LTBP4: variants seen among roughly 807,000 people sequenced by gnomAD.
LTBP4 encodes the protein latent-transforming growth factor beta-binding protein 4.
LTBP4 carries 93 observed loss-of-function variants against 180.2 expected under a neutral mutation model. The observed-to-expected ratio is 0.52, with a 90% CI of 0.44 to 0.61. The LOEUF (loss-of-function observed/expected upper bound fraction) is 0.61, where lower values mean the gene tolerates loss of function less well. Among genes scored for constraint, LTBP4 ranks in the 20% least tolerant of loss-of-function variants. The probability of loss-of-function intolerance (pLI) is 0.00; values close to 1 mark genes in which losing one functional copy is unlikely to be tolerated. For synonymous variants in LTBP4, 947 were observed against 934.5 expected, an observed-to-expected ratio of 1.01 and a Z score of -0.24; for missense variants, 2,116 against 2,256.5, an observed-to-expected ratio of 0.94 and a Z score of 1.26.
chr19:40,613,731 C>T lies in LTBP4; in HGVS notation c.2558-185C>T. ...AAAGGGCCGAGTCTGGGTATTTGGA[C>T]CGTGATTGTAAAGAAGCTGTTCTAA... On this transcript the variant is annotated intron_variant, in intron 17 of 29. Coordinates refer to ENST00000396819, the MANE Select transcript of LTBP4 (RefSeq NM_001042545.2). This position sits in a 1 kb window ranked among gnomAD's most constrained non-coding sequence, Gnocchi z 5.0. 1 of 1,218,306 alleles carries T rather than the reference C, an allele frequency of 8.2e-7. No homozygotes were observed. Among genetic ancestry groups the T allele is most frequent in the Non-Finnish European group, 1.2e-6 (1 of 862,980 alleles). The allele number at this position is 1,218,306 out of a possible 1,614,324, so 75.5% of individuals were successfully genotyped here.
Position 40,608,565 on chromosome 19 carries a change from G to T in LTBP4, c.1388G>T (p.Ser463Ile). 1 of 1,602,802 alleles carries T rather than the reference G, an allele frequency of 6.2e-7. No individual in the cohort carries two copies. The highest frequency in any genetic ancestry group is 8.5e-7 in the Non-Finnish European group (1 of 1,175,228). Residue 463 changes from serine (S) to isoleucine (I), a missense_variant, in exon 9 of 30, where the codon AGC becomes ATC. Ser to Ile is a moderately radical substitution (Grantham distance 142, BLOSUM62 -2). Around this residue, in one of 5 missense-constraint regions of LTBP4, gnomAD observed 877 missense variants for 873.6 expected, o/e 1.00. Transcript: ENST00000396819. ...PRPGPELPLP[S>I]IPAWTGPEIP... Reference sequence around the variant, plus strand: ...CCCGGCCCTGAGCTTCCCTTGCCCAGCATCCCTGCCTGGACTGGTCCTGAG... The same window carrying T: ...CCCGGCCCTGAGCTTCCCTTGCCCATCATCCCTGCCTGGACTGGTCCTGAG...
At chr19:40,616,250 T>C (rs2081547773) in intron 19 of LTBP4, among the ~76,000 whole-genome samples, 1 of 148,798 alleles carries the variant, frequency 6.7e-6, no homozygotes, top group Non-Finnish European at 1.5e-5. Flanking sequence ...GCCATGATCC[T>C]GTCACTACAC....
intron 28 of LTBP4, 40 bp from the exon 29 acceptor site, chr19:40,627,665 G>A: frequency 6.4e-7 from 1 of 1,557,608 alleles, no homozygotes. Context: ...AGGGGTGAAG[G>A]CAGGGACCTC....
intron 24 of LTBP4, 136 bp from the exon 25 acceptor site, chr19:40,623,468 C>T: frequency 8.7e-7 from 1 of 1,155,014 alleles, no homozygotes; most frequent in Non-Finnish European, 1.2e-6. Flanking sequence ...AGCCACCGCT[C>T]CTGGCCTCTC....
rs747089476 is a variant in LTBP4 at position 40,605,454 on chromosome 19, G to C, written c.492G>C (p.Ser164=). The C allele has an allele frequency of 1.9e-6, 3 of 1,612,650 alleles. No homozygotes were observed. Among genetic ancestry groups the C allele is most frequent in the South Asian group, 2.2e-5 (2 of 91,082 alleles). The change falls in exon 3 of 30, where the codon TCG becomes TCC. Residue 164 remains serine, a synonymous_variant. Coordinates refer to ENST00000396819, the MANE Select transcript of LTBP4 (RefSeq NM_001042545.2). The surrounding 1 kb of genome is among the most constrained non-coding windows in gnomAD (Gnocchi z 5.5). ...SVHVEHPQEA[S]VVVHQVERVS... is the part of the protein sequence containing the mutation. ...ACGTGGAGCACCCGCAGGAGGCGTCGGTGGTGGTGCACCAGGTGGAGCGTG... is the reference window on the plus strand; with the variant it reads ...ACGTGGAGCACCCGCAGGAGGCGTCCGTGGTGGTGCACCAGGTGGAGCGTG...
At chr19:40,603,452 G>A (rs1274380358) in intron 1 of LTBP4, among the ~76,000 whole-genome samples, 1 of 152,086 alleles carries the variant, frequency 6.6e-6, no homozygotes, top group East Asian at 1.9e-4. Context: ...TTTCAGCACC[G>A]TCAAACTGGT....
At chr19:40,606,608 C>T (rs2081464482) in intron 6 of LTBP4, 82 bp downstream of exon 6, 2 of 1,488,746 alleles carry the variant, frequency 1.3e-6, no homozygotes, top group Middle Eastern at 2.4e-4. Context: ...GCCTTTAATT[C>T]CCTCGGACCC....
rs1249131265 is a variant in LTBP4 at position 40,627,096 on chromosome 19, A to G, written c.4107A>G (p.Pro1369=). ...PDLGPPYQGL[P]YGPELYPPPA... is the part of the protein sequence containing the mutation. The stretch of plus-strand genomic sequence containing the variant: ...TAGGTCCACCTTACCAGGGCCTCCC[A>G]TATGGGCCTGAGTTGTACCCACCAC... The change falls in exon 28 of 30, where the codon CCA becomes CCG. Residue 1369 remains proline (P), a synonymous_variant. Transcript: ENST00000396819. 6.2e-7 allele frequency: 1 copy of G among 1,613,736 alleles called. No homozygotes were observed. Among genetic ancestry groups the G allele is most frequent in the Non-Finnish European group, 8.5e-7 (1 of 1,179,850 alleles).
At position 40,625,896 on chromosome 19, in the gene LTBP4, A is replaced by G; in HGVS notation, c.3872A>G (p.Asp1291Gly). 7.5e-6 allele frequency: 12 copies of G among 1,599,010 alleles called. No homozygotes were observed. The highest frequency in any genetic ancestry group is 1.0e-5 in the Non-Finnish European group (12 of 1,173,838). ...GTGTGCTGGCAGGAAGTGGGGGCTGACCTCGTGTGCAGCCACCCTCGGCTG... is the reference window on the plus strand; with the variant it reads ...GTGTGCTGGCAGGAAGTGGGGGCTGGCCTCGTGTGCAGCCACCCTCGGCTG... ...LGVCWQEVGA[D>G]LVCSHPRLDR... is the part of the protein sequence containing the mutation. The change falls in exon 27 of 30, where the codon GAC (aspartate) becomes GGC (glycine). Residue 1291 changes from aspartate to glycine, a missense_variant. Physicochemically the swap from Asp to Gly is moderately conservative, Grantham distance 94 (BLOSUM62 -1). Around this residue, in one of 5 missense-constraint regions of LTBP4, gnomAD observed 488 missense variants for 458.8 expected, o/e 1.06. Coordinates refer to ENST00000396819, the MANE Select transcript of LTBP4 (RefSeq NM_001042545.2).
intron 6 of LTBP4, among the ~76,000 whole-genome samples, chr19:40,607,146 C>G (rs1024239017): frequency 1.3e-5 from 2 of 152,184 alleles, no homozygotes; most frequent in South Asian, 2.1e-4. Flanking sequence ...TTCTCAGAGT[C>G]TCTCATTCAC....
upstream of LTBP4, among the ~76,000 whole-genome samples, chr19:40,597,602 A>G (rs942096745): frequency 2.0e-5 from 3 of 151,924 alleles, no homozygotes; most frequent in Non-Finnish European, 4.4e-5. Flanking sequence ...GGAGAAGGCT[A>G]AGTCTCCAGA....
intron 19 of LTBP4, among the ~76,000 whole-genome samples, chr19:40,616,683 T>C (rs2146036992): frequency 6.6e-6 from 1 of 152,354 alleles, no homozygotes. Flanking sequence ...TGAGCTGAGA[T>C]TGAGCCACTG....
At chr19:40,595,905 ATTTTTTTTTTTTTTTT>A (rs60121587) in intron 1 of LTBP4, among the ~76,000 whole-genome samples, 209 of 60,080 alleles carry the variant, frequency 3.5e-3, no homozygotes, top group African/African-American at 5.1e-3. Context: ...TAATTTTTGG[ATTTTTTTTTTTTTTTT>A]TTTTTTTTTT....
At chr19:40,625,476 C>CTTTTTTTT (rs2081627317) in intron 26 of LTBP4, among the ~76,000 whole-genome samples, 1 of 151,062 alleles carries the variant, frequency 6.6e-6, no homozygotes, top group African/African-American at 2.4e-5. Flanking sequence ...GCCCACTGTC[C>CTTTTTTTT]CAACCACTCT....
intron 26 of LTBP4, among the ~76,000 whole-genome samples, chr19:40,625,286 A>ATATATATATATATATATATATATATT (rs2081621220): frequency 1.8e-4 from 1 of 5,534 alleles, no homozygotes; most frequent in Non-Finnish European, 2.9e-4. Flanking sequence ...ATATATATAT[A>ATATATATATATATATATATATATATT]TATATATATA....
chr19:40,624,970 T>C (rs2146047647), intron 26 of LTBP4, among the ~76,000 whole-genome samples: 1 of 151,784 alleles, frequency 6.6e-6, no homozygotes, highest in East Asian at 1.9e-4. Context: ...TGTTTCTCTC[T>C]CTCTCTTTGG....
In LTBP4 at chr19:40,601,651, G is replaced by T; in HGVS notation, c.250+14G>T. ...GCTTCCGCGCCTGTGAGTGCGGGGTGGTGGTCCCGAGAGAGCGGCTCCGGG... is the reference window on the plus strand; with the variant it reads ...GCTTCCGCGCCTGTGAGTGCGGGGTTGTGGTCCCGAGAGAGCGGCTCCGGG... On this transcript the variant is annotated intron_variant, in intron 1 of 29. Coordinates refer to ENST00000396819, the MANE Select transcript of LTBP4 (RefSeq NM_001042545.2). 7.4e-7 allele frequency: 1 copy of T among 1,350,664 alleles called. No individual in the cohort carries two copies. Among genetic ancestry groups the T allele is most frequent in the Non-Finnish European group, 9.5e-7 (1 of 1,056,300 alleles). 83.7% of individuals were successfully genotyped at this position (1,350,664 alleles called of 1,614,324 possible).
Position 40,605,905 on chromosome 19 carries a change from C to A in LTBP4, c.793+74C>A. ...AACCTCACCGTTCCTCCTACTCTGC[C>A]CTAGATAAACCCAGTTCACAAATTG... On this transcript the variant is annotated intron_variant, in intron 4 of 29. Transcript: ENST00000396819. The surrounding 1 kb of genome is among the most constrained non-coding windows in gnomAD (Gnocchi z 5.5). The A allele has an allele frequency of 1.4e-6, 2 of 1,440,940 alleles. No homozygotes were observed. Among genetic ancestry groups the A allele is most frequent in the East Asian group, 2.5e-5 (1 of 40,132 alleles). The allele number at this position is 1,440,940 out of a possible 1,614,324, so 89.3% of individuals were successfully genotyped here. A position where few individuals can be genotyped will look rare whatever the true frequency, so the allele number is the denominator to read the frequency against.
At chr19:40,624,325 G>A (rs1599877532) in intron 26 of LTBP4, among the ~76,000 whole-genome samples, 1 of 152,364 alleles carries the variant, frequency 6.6e-6, no homozygotes, top group Admixed American at 6.5e-5. Flanking sequence ...TTGGACTCCA[G>A]GTTTCTTTCT....
Sources: gnomAD v4.1 joint callset for allele counts (sites outside exome capture counted in the v4.1 genomes callset) on GRCh38, gnomAD v4.1.1 for gene constraint, gnomAD v4.1.1 regional missense constraint, Gnocchi (gnomAD v3.1) non-coding constraint, MANE v1.5 for transcripts, NCBI Gene and HGNC (gene_info 2026-07-23, HGNC 2026-07-21) for gene names.